Variants in PALLD observed in about 807,000 individuals in gnomAD.
The protein encoded by PALLD is palladin, cytoskeletal associated protein.
A neutral mutation model predicts 123.5 loss-of-function variants in PALLD; 61 were observed. The observed-to-expected ratio is 0.49, with a 90% CI of 0.40 to 0.61. The LOEUF (loss-of-function observed/expected upper bound fraction) is 0.61. Ranked by LOEUF, PALLD falls within the 20% of genes least tolerant of loss-of-function variation. The pLI, the probability that PALLD is intolerant of heterozygous loss-of-function variation, is 0.00. For missense variants in PALLD, 1,273 were observed against 1,377.0 expected (o/e 0.92, Z 1.20); for synonymous variants, 465 against 496.4 (o/e 0.94, Z 0.84).
Position 168,928,421 on chromosome 4 carries a change from T to C in PALLD, c.*2241T>C, listed in dbSNP as rs1198651200. On this transcript the variant is annotated 3_prime_UTR_variant, in exon 22 of 22. Coordinates refer to ENST00000505667, the MANE Select transcript of PALLD (RefSeq NM_001166108.2). Reference sequence around the variant, plus strand: ...TCAATAAATATTTGACAAATAATAGTTGCAGTTTTGTGAAGCAAAATAAAT... The same window carrying C: ...TCAATAAATATTTGACAAATAATAGCTGCAGTTTTGTGAAGCAAAATAAAT... 1 of 179,772 alleles carries C rather than the reference T, an allele frequency of 5.6e-6. No individual in the cohort carries two copies. The highest frequency in any genetic ancestry group is 1.2e-5 in the Non-Finnish European group (1 of 83,688). The allele number at this position is 179,772 out of a possible 1,614,324, so 11.1% of individuals were successfully genotyped here. A position where few individuals can be genotyped will look rare whatever the true frequency, so the allele number is the denominator to read the frequency against.
intron 3 of PALLD, among the ~76,000 whole-genome samples, chr4:168,677,695 C>G (rs1038215832): frequency 6.6e-6 from 1 of 152,086 alleles, no homozygotes; most frequent in Non-Finnish European, 1.5e-5. Context: ...ACCTTCTGAT[C>G]GCCTTCACTG....
chr4:168,789,429 G>A (rs1281604552), intron 10 of PALLD, among the ~76,000 whole-genome samples: 2 of 152,106 alleles, frequency 1.3e-5, no homozygotes, highest in Non-Finnish European at 2.9e-5. Context: ...ATTTAGGGCC[G>A]GGTGCAGTGG....
chr4:168,628,735 A>G (rs1367775701), intron 2 of PALLD, among the ~76,000 whole-genome samples: 1 of 152,130 alleles, frequency 6.6e-6, no homozygotes. Context: ...TGCTCTTATT[A>G]TGTCCTAACT....
At chr4:168,689,003 G>T (rs996324862) in intron 6 of PALLD, among the ~76,000 whole-genome samples, 5 of 152,020 alleles carry the variant, frequency 3.3e-5, no homozygotes, top group Non-Finnish European at 2.9e-5. Context: ...CAGTCACAAA[G>T]GAAGAAAAAT....
intron 11 of PALLD, among the ~76,000 whole-genome samples, chr4:168,892,048 A>T (rs1754229011): frequency 6.6e-6 from 1 of 152,242 alleles, no homozygotes; most frequent in African/African-American, 2.4e-5. Flanking sequence ...TAGATTTGGT[A>T]AAATATATAG....
At chr4:168,605,003 TG>T (rs1773027972) in intron 2 of PALLD, among the ~76,000 whole-genome samples, 1 of 152,246 alleles carries the variant, frequency 6.6e-6, no homozygotes, top group Non-Finnish European at 1.5e-5. Flanking sequence ...TTTGCTTTTT[TG>T]TTTTGTGTTT....
chr4:168,878,021 A>G (rs1212940455), intron 10 of PALLD: 2 of 1,493,258 alleles, frequency 1.3e-6, no homozygotes, highest in Admixed American at 4.3e-5. Flanking sequence ...GCCGGCCTCC[A>G]GCCCCAGCTC....
At chr4:168,707,514 G>A (rs1160654922) in intron 8 of PALLD, among the ~76,000 whole-genome samples, 2 of 152,184 alleles carry the variant, frequency 1.3e-5, no homozygotes, top group Non-Finnish European at 2.9e-5. Context: ...GTTCACCTAA[G>A]GGTTCATCAG....
rs746597278 is a variant in PALLD at position 168,785,058 on chromosome 4, C to CTTTTTT, written c.1964+73159_1964+73164dup. 5.2e-3 allele frequency among the ~76,000 whole-genome samples: 444 copies of CTTTTTT among 84,824 alleles called. 7 individuals carry two copies. The highest frequency in any genetic ancestry group is 0.015 in the East Asian group (27 of 1,820). The allele number at this position is 84,824 out of a possible 152,430, so 55.6% of individuals were successfully genotyped here. On this transcript the variant is annotated intron_variant, in intron 10 of 21. Coordinates refer to ENST00000505667, the MANE Select transcript of PALLD (RefSeq NM_001166108.2). ...AGCCCCAGCTTTTTTCTCCCTTTTG[C>CTTTTTT]TTTTTTTTTTTTTTTTTTTTTTTTT...
chr4:168,780,662 C>A (rs72701843), intron 10 of PALLD, among the ~76,000 whole-genome samples: 22,779 of 151,992 alleles, frequency 0.15, 2,124 homozygotes, highest in Non-Finnish European at 0.21. Context: ...TGCATGTGCC[C>A]GCATGTGTAG....
Position 168,512,229 on chromosome 4 carries a change from G to A in PALLD, c.725G>A (p.Cys242Tyr). ...REVKSPGARH[C>Y]YQDNQDLAVP... The stretch of plus-strand genomic sequence containing the variant: ...GTCAAGTCCCCTGGGGCCAGGCATT[G>A]CTACCAGGACAACCAGGACTTGGCA... The change falls in exon 2 of 22, where the codon TGC becomes TAC. Residue 242 changes from cysteine (C) to tyrosine (Y), a missense_variant. Physicochemically the swap from Cys to Tyr is radical, Grantham distance 194. Coordinates refer to ENST00000505667, the MANE Select transcript of PALLD (RefSeq NM_001166108.2). 1 of 1,613,836 alleles carries A rather than the reference G, an allele frequency of 6.2e-7. No homozygotes were observed. The highest frequency in any genetic ancestry group is 8.5e-7 in the Non-Finnish European group (1 of 1,179,798).
chr4:168,525,618 G>T (rs1011475341), intron 2 of PALLD, among the ~76,000 whole-genome samples: 1 of 152,124 alleles, frequency 6.6e-6, no homozygotes, highest in African/African-American at 2.4e-5. Context: ...TTAATTGGAG[G>T]GGATTGGCAC....
At chr4:168,618,553 G>A (rs1413037988) in intron 2 of PALLD, among the ~76,000 whole-genome samples, 1 of 151,770 alleles carries the variant, frequency 6.6e-6, no homozygotes, top group Non-Finnish European at 1.5e-5. Flanking sequence ...ACCCATCTTA[G>A]TCTCTATTTA....
chr4:168,697,289 C>T (rs1783220045), intron 8 of PALLD, among the ~76,000 whole-genome samples: 1 of 152,236 alleles, frequency 6.6e-6, no homozygotes, highest in Non-Finnish European at 1.5e-5. Context: ...CGACAGTGTG[C>T]TCCACCACAG....
chr4:168,561,071 A>G (rs1296229805), intron 2 of PALLD, among the ~76,000 whole-genome samples: 1 of 152,092 alleles, frequency 6.6e-6, no homozygotes, highest in East Asian at 1.9e-4. Flanking sequence ...CAAGATGATG[A>G]CAGTGAGACA....
At chr4:168,700,377 T>A (rs1299782611) in intron 8 of PALLD, 1 of 153,248 alleles carries the variant, frequency 6.5e-6, no homozygotes, top group Non-Finnish European at 1.5e-5. Context: ...TTTTTCTAAA[T>A]GTTCCACGTG....
Position 168,690,624 on chromosome 4 carries a change from G to T in PALLD, c.1357G>T (p.Ala453Ser), listed in dbSNP as rs1782529708. Reference sequence around the variant, plus strand: ...TCAGGAACTGCAAAACACAGCCGTGGCGGAAGGCCAGGTGGTGGTTCTGGA... The same window carrying T: ...TCAGGAACTGCAAAACACAGCCGTGTCGGAAGGCCAGGTGGTGGTTCTGGA... ...FTKELQNTAV[A>S]EGQVVVLECR... The change falls in exon 7 of 22, where the codon GCG becomes TCG. Residue 453 changes from alanine to serine, a missense_variant. Ala to Ser is a moderately conservative substitution (Grantham distance 99, BLOSUM62 1). Around this residue, in one of 2 missense-constraint regions of PALLD, gnomAD observed 944 missense variants for 954.5 expected, o/e 0.99. Coordinates refer to ENST00000505667, the MANE Select transcript of PALLD (RefSeq NM_001166108.2). 1 of 1,614,204 alleles carries T rather than the reference G, an allele frequency of 6.2e-7. No individual in the cohort carries two copies. Among genetic ancestry groups the T allele is most frequent in the Non-Finnish European group, 8.5e-7 (1 of 1,180,034 alleles).
intron 2 of PALLD, among the ~76,000 whole-genome samples, chr4:168,665,572 CA>C (rs992757321): frequency 6.6e-6 from 1 of 151,772 alleles, no homozygotes; most frequent in African/African-American, 2.4e-5. Flanking sequence ...CAAAAACAAA[CA>C]AAAAAAATGG....
chr4:168,569,601 G>A (rs146612388), intron 2 of PALLD, among the ~76,000 whole-genome samples: 58 of 152,152 alleles, frequency 3.8e-4, no homozygotes, highest in African/African-American at 1.3e-3. Flanking sequence ...AATCAGTAAC[G>A]GTGATGATTT....
Sources: gnomAD v4.1 joint callset for allele counts (sites outside exome capture counted in the v4.1 genomes callset) on GRCh38, gnomAD v4.1.1 for gene constraint, gnomAD v4.1.1 regional missense constraint, MANE v1.5 for transcripts, NCBI Gene and HGNC (gene_info 2026-07-23, HGNC 2026-07-21) for gene names.